Variants in LPP observed in about 807,000 individuals in gnomAD.
LPP encodes LIM domain containing preferred translocation partner in lipoma, also known as lipoma-preferred partner.
LPP carries 38 observed loss-of-function variants against 60.4 expected under a neutral mutation model. That is an observed-to-expected ratio of 0.63 (90% confidence interval 0.49 to 0.83). The LOEUF (loss-of-function observed/expected upper bound fraction) is 0.83, where lower values mean the gene tolerates loss of function less well. Ranked by LOEUF, LPP falls within the 40% of genes least tolerant of loss-of-function variation. The pLI, the probability that LPP is intolerant of heterozygous loss-of-function variation, is 0.00. For missense variants in LPP, 902 were observed against 783.6 expected (o/e 1.15, Z -1.80); for synonymous variants, 328 against 290.8 (o/e 1.13, Z -1.30).
rs561585103 is a variant in LPP, at chr3:188,613,225, C to G, written c.1113+3381C>G. On this transcript the variant is annotated intron_variant, in intron 7 of 11. Coordinates refer to ENST00000617246, the MANE Select transcript of LPP (RefSeq NM_001375462.1). Reference sequence around the variant, plus strand: ...ACATCTTGCCATGTAGTTCACAGAACTCGTGTCCTGTGCATTTTATATATC... The same window carrying G: ...ACATCTTGCCATGTAGTTCACAGAAGTCGTGTCCTGTGCATTTTATATATC... 1.4e-3 allele frequency among the ~76,000 whole-genome samples: 181 copies of G among 125,354 alleles called. 1 individual carries two copies. The highest frequency in any genetic ancestry group is 4.7e-3 in the African/African-American group (176 of 37,378). 82.2% of individuals were successfully genotyped at this position (125,354 alleles called of 152,430 possible).
chr3:188,536,000 G>T (rs954811066), intron 6 of LPP, among the ~76,000 whole-genome samples: 6 of 111,194 alleles, frequency 5.4e-5, no homozygotes, highest in Non-Finnish European at 8.7e-5. Flanking sequence ...ATTATTACAT[G>T]AATTTTTTTT....
intron 4 of LPP, among the ~76,000 whole-genome samples, chr3:188,412,992 T>C (rs1355071089): frequency 6.6e-6 from 1 of 152,078 alleles, no homozygotes; most frequent in Non-Finnish European, 1.5e-5. Context: ...ACCACTGTGG[T>C]TTATGGGAAC....
chr3:188,598,545 C>A (rs1481191453), intron 6 of LPP, among the ~76,000 whole-genome samples: 4 of 152,088 alleles, frequency 2.6e-5, no homozygotes, highest in Non-Finnish European at 5.9e-5. Flanking sequence ...AACATATAAT[C>A]ACATTGCTAA....
At chr3:188,524,286 A>G (rs374056243) in intron 5 of LPP, among the ~76,000 whole-genome samples, 4 of 152,132 alleles carry the variant, frequency 2.6e-5, no homozygotes, top group South Asian at 2.1e-4. Flanking sequence ...TGCTACTCCA[A>G]TAAATATTAT....
intron 8 of LPP, chr3:188,710,438 A>G (rs1397972485): frequency 6.6e-6 from 1 of 152,216 alleles, no homozygotes; most frequent in Non-Finnish European, 1.5e-5. Flanking sequence ...TTCTTTCAAC[A>G]GTAATAAGTT....
At chr3:188,570,974 T>C (rs1463029244) in intron 6 of LPP, among the ~76,000 whole-genome samples, 1 of 152,154 alleles carries the variant, frequency 6.6e-6, no homozygotes, top group Non-Finnish European at 1.5e-5. Context: ...TATAGCAAAT[T>C]ATACTCATTT....
chr3:188,356,087 G>C (rs146211803), intron 3 of LPP, among the ~76,000 whole-genome samples: 1 of 152,092 alleles, frequency 6.6e-6, no homozygotes, highest in African/African-American at 2.4e-5. Flanking sequence ...AACTTATAGC[G>C]CGGATGTTTT....
intron 7 of LPP, among the ~76,000 whole-genome samples, chr3:188,640,348 T>C (rs1250925161): frequency 3.1e-5 from 4 of 128,590 alleles, no homozygotes. Context: ...AAGGGGAACA[T>C]CACACTCTGG....
At chr3:188,806,692 T>C (rs1749250549) in intron 9 of LPP, among the ~76,000 whole-genome samples, 1 of 151,942 alleles carries the variant, frequency 6.6e-6, no homozygotes, top group South Asian at 2.1e-4. Flanking sequence ...ATTTATACTC[T>C]TGATTTTAAT....
At chr3:188,807,228 G>A (rs1749432296) in intron 9 of LPP, among the ~76,000 whole-genome samples, 1 of 151,912 alleles carries the variant, frequency 6.6e-6, no homozygotes, top group South Asian at 2.1e-4. Context: ...TTTCAATGCA[G>A]TATGAATTTT....
Position 188,174,902 on chromosome 3 carries a change from G to A in LPP, c.-190+20650G>A, listed in dbSNP as rs568572180. On this transcript the variant is annotated intron_variant, in intron 1 of 11. Coordinates refer to ENST00000617246, the MANE Select transcript of LPP (RefSeq NM_001375462.1). The stretch of plus-strand genomic sequence containing the variant: ...GCCCTTTGTCTGTACTGCTTGCATG[G>A]CACTGATCACTTCTTACCTTCTCTT... Among the ~76,000 whole-genome samples the A allele has an allele frequency of 3.9e-5, 6 of 152,084 alleles. No individual in the cohort carries two copies. In the East Asian group the frequency reaches 1.2e-3, roughly 29 times the overall value.
intron 1 of LPP, among the ~76,000 whole-genome samples, chr3:188,178,298 CT>C (rs1178122574): frequency 6.6e-6 from 1 of 152,242 alleles, no homozygotes; most frequent in African/African-American, 2.4e-5. Flanking sequence ...TGCTTCTCCT[CT>C]TTTCTGTCTG....
At chr3:188,210,294 C>T (rs974737485) in intron 1 of LPP, among the ~76,000 whole-genome samples, 1 of 152,058 alleles carries the variant, frequency 6.6e-6, no homozygotes, top group Non-Finnish European at 1.5e-5. Flanking sequence ...ACTGAGGGAA[C>T]GAGTGTACAT....
intron 3 of LPP, among the ~76,000 whole-genome samples, chr3:188,357,552 C>T (rs55796357): frequency 3.6e-4 from 55 of 152,240 alleles, no homozygotes; most frequent in Non-Finnish European, 6.5e-4. Flanking sequence ...GGGATGCACC[C>T]GGGTTTAGGC....
intron 2 of LPP, among the ~76,000 whole-genome samples, chr3:188,244,971 C>T (rs888796905): frequency 1.3e-5 from 2 of 152,024 alleles, no homozygotes; most frequent in Admixed American, 6.6e-5. Flanking sequence ...GGGCATGGAC[C>T]GTGTCTAATG....
At chr3:188,782,857 T>C (rs1296454962) in intron 9 of LPP, among the ~76,000 whole-genome samples, 5 of 152,094 alleles carry the variant, frequency 3.3e-5, no homozygotes, top group African/African-American at 4.8e-5. Flanking sequence ...CTCAACTGTT[T>C]CAGACATTCT....
chr3:188,344,047 C>G (rs116295515), intron 3 of LPP, among the ~76,000 whole-genome samples: 1 of 152,196 alleles, frequency 6.6e-6, no homozygotes, highest in Non-Finnish European at 1.5e-5. Context: ...GAATCTGCAA[C>G]AGTATACCCT....
At chr3:188,328,331 T>C (rs1759030798) in intron 2 of LPP, among the ~76,000 whole-genome samples, 1 of 152,202 alleles carries the variant, frequency 6.6e-6, no homozygotes, top group South Asian at 2.1e-4. Context: ...CACTCACTTA[T>C]TCAGTTCTTG....
At position 188,877,033 on chromosome 3, in the gene LPP, T is replaced by C; in HGVS notation, c.*2554T>C. On this transcript the variant is annotated 3_prime_UTR_variant, in exon 12 of 12. Coordinates refer to ENST00000617246, the MANE Select transcript of LPP (RefSeq NM_001375462.1). Reference sequence around the variant, plus strand: ...TTCTTTTATAATAATGAATGTGCACTCATACATATGTAGAAACATTTAGAT... The same window carrying C: ...TTCTTTTATAATAATGAATGTGCACCCATACATATGTAGAAACATTTAGAT... The C allele has an allele frequency of 5.7e-6, 1 of 174,480 alleles. No homozygotes were observed. Among genetic ancestry groups the C allele is most frequent in the Non-Finnish European group, 1.2e-5 (1 of 80,754 alleles). The allele number at this position is 174,480 out of a possible 1,614,324, so 10.8% of individuals were successfully genotyped here.
Sources: gnomAD v4.1 joint callset for allele counts (sites outside exome capture counted in the v4.1 genomes callset) on GRCh38, gnomAD v4.1.1 for gene constraint, MANE v1.5 for transcripts, NCBI Gene and HGNC (gene_info 2026-07-23, HGNC 2026-07-21) for gene names.